Variants in PLA2G4F observed in about 807,000 individuals in gnomAD.
PLA2G4F encodes phospholipase A2 group IVF, also known as cytosolic phospholipase A2 zeta.
PLA2G4F carries 105 observed loss-of-function variants against 103.1 expected under a neutral mutation model. That is an observed-to-expected ratio of 1.02 (90% CI 0.87 to 1.20). The LOEUF (loss-of-function observed/expected upper bound fraction) is 1.20, where lower values mean the gene tolerates loss of function less well. Among genes scored for constraint, PLA2G4F ranks in the 50% most tolerant of loss-of-function variants. PLA2G4F has a pLI of 0.00. For synonymous variants in PLA2G4F, 468 were observed against 441.1 expected (o/e 1.06, Z -0.76); for missense variants, 1,155 against 1,075.9 (o/e 1.07, Z -1.03).
At chr15:42,142,780 C>T in intron 18 of PLA2G4F, 66 bp from the exon 19 acceptor site, 1 of 1,519,250 alleles carries the variant, frequency 6.6e-7, no homozygotes, top group Non-Finnish European at 9.1e-7. Context: ...GCCCTGGACT[C>T]ACACACGCCC....
chr15:42,144,637 G>A lies in PLA2G4F; in HGVS notation c.1788C>T (p.Cys596=). ...YRGSVNITDD[C]QKPQLHNPSR... ...AGGGGTTGTGCAGCTGAGGCTTCTG[G>A]CAGTCGTCTAGACAGGGGCGGGACA... Residue 596 remains cysteine (C), a synonymous_variant, in exon 17 of 20, where the codon TGC becomes TGT. Coordinates refer to ENST00000397272, the MANE Select transcript of PLA2G4F (RefSeq NM_213600.4). 6.3e-7 allele frequency: 1 copy of A among 1,594,434 alleles called. No individual in the cohort carries two copies. The highest frequency in any genetic ancestry group is 8.5e-7 in the Non-Finnish European group (1 of 1,169,690).
At chr15:42,147,006 C>T (rs747415211) in intron 13 of PLA2G4F, 118 bp downstream of exon 13, 25 of 1,042,504 alleles carry the variant, frequency 2.4e-5, no homozygotes, top group East Asian at 1.8e-4. Context: ...CCAGGGGAGC[C>T]GAGAGCTCAG....
chr15:42,147,621 C>T lies in PLA2G4F; in HGVS notation c.1196+5G>A. The T allele has an allele frequency of 1.2e-6, 2 of 1,613,996 alleles. No individual in the cohort carries two copies. Among genetic ancestry groups the T allele is most frequent in the Non-Finnish European group, 1.7e-6 (2 of 1,179,938 alleles). The stretch of plus-strand genomic sequence containing the variant: ...TACCCTGTGCCCTGCCCCCACCTCA[C>T]TTACCAGGTAGACCCAGAGACCCCA... On this transcript the variant is annotated splice_donor_5th_base_variant and intron_variant, in intron 12 of 19. Coordinates refer to ENST00000397272, the MANE Select transcript of PLA2G4F (RefSeq NM_213600.4).
chr15:42,147,790 A>C (rs1595620299), intron 11 of PLA2G4F, 28 bp from the exon 12 acceptor site: 4 of 1,610,060 alleles, frequency 2.5e-6, no homozygotes, highest in Non-Finnish European at 3.4e-6. Flanking sequence ...AAGGATAACG[A>C]CTCCGACTAC....
chr15:42,148,754 T>C (rs951648515), intron 11 of PLA2G4F: 14 of 985,262 alleles, frequency 1.4e-5, no homozygotes, highest in Admixed American at 6.1e-5. Flanking sequence ...TTTGGTTGCT[T>C]AGCTTTCCCA....
At chr15:42,154,851 G>A (rs1048623679) in intron 2 of PLA2G4F, among the ~76,000 whole-genome samples, 13 of 152,062 alleles carry the variant, frequency 8.5e-5, no homozygotes, top group African/African-American at 3.1e-4. Flanking sequence ...CCAGGCACAG[G>A]GAGGAGGCCG....
intron 9 of PLA2G4F, 83 bp from the exon 10 acceptor site, chr15:42,150,224 T>G (rs60506946): frequency 0.081 from 129,182 of 1,592,384 alleles, 10,439 homozygotes; most frequent in African/African-American, 0.39. Flanking sequence ...CAGCCCTTGC[T>G]GCCCTGCGAT....
intron 11 of PLA2G4F, among the ~76,000 whole-genome samples, chr15:42,148,206 AC>A: frequency 6.6e-6 from 1 of 150,812 alleles, no homozygotes; most frequent in Non-Finnish European, 1.5e-5. Flanking sequence ...AAAAGAGAGA[AC>A]CCCATTTTCC....
In PLA2G4F at chr15:42,155,439, C is replaced by G. The variant is rs1474516943; in HGVS notation, c.184+78G>C. 1.2e-5 allele frequency: 17 copies of G among 1,464,632 alleles called. No homozygotes were observed. In the East Asian group the frequency reaches 3.6e-4, roughly 31 times the overall value. The allele number at this position is 1,464,632 out of a possible 1,614,324, so 90.7% of individuals were successfully genotyped here. On this transcript the variant is annotated intron_variant, in intron 2 of 19. Coordinates refer to ENST00000397272, the MANE Select transcript of PLA2G4F (RefSeq NM_213600.4). ...GTATACTCTTACACACACACACTCT[C>G]TGTTAGCCAGCCTGAGCTGAGCTCT...
Position 42,141,896 on chromosome 15 carries a change from A to C in PLA2G4F, c.*88T>G, listed in dbSNP as rs567048117. 1.0e-5 allele frequency: 14 copies of C among 1,344,112 alleles called. No homozygotes were observed. Among genetic ancestry groups the C allele is most frequent in the East Asian group, 9.2e-5 (4 of 43,400 alleles). The allele number at this position is 1,344,112 out of a possible 1,614,324, so 83.3% of individuals were successfully genotyped here. A position where few individuals can be genotyped will look rare whatever the true frequency, so the allele number is the denominator to read the frequency against. Reference sequence around the variant, plus strand: ...TGGAGAGAAGGGAAGCAGATCCTGCACAGAGTCCCCATCGCTCCTCCCTCT... The same window carrying C: ...TGGAGAGAAGGGAAGCAGATCCTGCCCAGAGTCCCCATCGCTCCTCCCTCT... On this transcript the variant is annotated 3_prime_UTR_variant, in exon 20 of 20. Transcript: ENST00000397272.
chr15:42,146,954 G>A, intron 13 of PLA2G4F, 170 bp downstream of exon 13: 2 of 647,934 alleles, frequency 3.1e-6, no homozygotes, highest in South Asian at 2.0e-5. Context: ...GAGCTAGGGA[G>A]GCAAAATGGT....
rs369040665 is a variant in PLA2G4F at position 42,145,657 on chromosome 15, G to A, written c.1698C>T (p.Thr566=). ...TCTTTAGGAAGATCTCATCCAGGCT[G>A]GTGGCAAAGGCGCTGCCCCACATAC... ...LQGMWGSAFA[T]SLDEIFLKTA... The change falls in exon 16 of 20, where the codon ACC becomes ACT. Residue 566 remains threonine, a synonymous_variant. Transcript: ENST00000397272. 1 of 1,614,130 alleles carries A rather than the reference G, an allele frequency of 6.2e-7. No homozygotes were observed. Among genetic ancestry groups the A allele is most frequent in the Non-Finnish European group, 8.5e-7 (1 of 1,180,024 alleles).
Position 42,142,669 on chromosome 15 carries a change from A to C in PLA2G4F, c.2188T>G (p.Phe730Val). 1 of 1,614,098 alleles carries C rather than the reference A, an allele frequency of 6.2e-7. No homozygotes were observed. The highest frequency in any genetic ancestry group is 8.5e-7 in the Non-Finnish European group (1 of 1,180,000). ...EKYCLDRGIP[F>V]PSIEVGPEDM... ...TCAGGGCCCACCTCGATGCTAGGGA[A>C]GGGGATTCCTCGGTCCAGGCAGTAC... Residue 730 changes from phenylalanine to valine, a missense_variant, in exon 19 of 20, where the codon TTC (phenylalanine) becomes GTC (valine). By Grantham distance (50) the Phe-to-Val change is conservative. This residue lies in a region of PLA2G4F where 782 missense variants were observed against 692.9 expected (regional missense o/e 1.13). Transcript: ENST00000397272.
intron 13 of PLA2G4F, 117 bp downstream of exon 13, chr15:42,147,007 G>T: frequency 1.9e-6 from 2 of 1,049,018 alleles, no homozygotes; most frequent in Admixed American, 2.3e-5. Context: ...CAGGGGAGCC[G>T]AGAGCTCAGG....
intron 13 of PLA2G4F, 129 bp from the exon 14 acceptor site, chr15:42,146,370 C>A: frequency 1.2e-6 from 1 of 819,536 alleles, no homozygotes; most frequent in Non-Finnish European, 2.0e-6. Flanking sequence ...AAGGCCAGTG[C>A]TGTAAGGACA....
chr15:42,156,447 G>A lies in PLA2G4F; in HGVS notation c.103C>T (p.His35Tyr). 4 of 1,561,026 alleles carry A rather than the reference G, an allele frequency of 2.6e-6. No individual in the cohort carries two copies. The highest frequency in any genetic ancestry group is 3.5e-6 in the Non-Finnish European group (4 of 1,151,532). Residue 35 changes from histidine (H) to tyrosine (Y), a missense_variant, in exon 1 of 20, where the codon CAC (histidine) becomes TAC (tyrosine). Transcript: ENST00000397272. ...KREKRGPLWRHWRRETYPYYD... is the reference protein window; with the variant it reads ...KREKRGPLWRYWRRETYPYYD... ...AATCTCAGGTACGTTACCCGCCAGT[G>A]CCTCCACAGAGGGCCCCTCTTCTCT...
Position 42,145,786 on chromosome 15 carries a change from G to A in PLA2G4F, c.1652C>T (p.Pro551Leu), listed in dbSNP as rs1255922218. 7.4e-6 allele frequency: 12 copies of A among 1,614,006 alleles called. No individual in the cohort carries two copies. Among genetic ancestry groups the A allele is most frequent in the African/African-American group, 1.3e-5 (1 of 74,930 alleles). ...CTCACCTTGCAGGTAACAGATCCGG[G>A]GTTCAGGCTGGAGCTGCAGCAATCG... The part of the protein sequence containing the change: ...MGRLLQLQPE[P>L]RICYLQGMWG... The change falls in exon 15 of 20, where the codon CCC (proline) becomes CTC (leucine). Residue 551 changes from proline (P) to leucine (L), a missense_variant. By Grantham distance (98) the Pro-to-Leu change is moderately conservative. Around this residue, in one of 3 missense-constraint regions of PLA2G4F, gnomAD observed 782 missense variants for 692.9 expected, o/e 1.13. Transcript: ENST00000397272.
At chr15:42,151,038 C>A (rs183067904) in intron 7 of PLA2G4F, 1 of 985,158 alleles carries the variant, frequency 1.0e-6, no homozygotes, top group Admixed American at 6.2e-5. Context: ...AGGCAGGGAG[C>A]GGGGAGGGAG....
At chr15:42,153,492 G>A (rs1275187886) in intron 5 of PLA2G4F, 128 bp downstream of exon 5, 2 of 1,479,316 alleles carry the variant, frequency 1.4e-6, no homozygotes, top group Non-Finnish European at 1.9e-6. Context: ...GCAGATGGGT[G>A]TCAAGACCAG....
Sources: allele counts gnomAD v4.1 joint callset (sites outside exome capture counted in the v4.1 genomes callset), GRCh38; gene constraint gnomAD v4.1.1; regional missense constraint gnomAD v4.1.1; transcripts MANE v1.5; gene names NCBI Gene and HGNC (gene_info 2026-07-23, HGNC 2026-07-21).